SYNE3: variants seen among roughly 807,000 people sequenced by gnomAD.
The protein encoded by SYNE3 is nesprin-3.
A neutral mutation model predicts 111.2 loss-of-function variants in SYNE3; 100 were observed. That is an observed-to-expected ratio of 0.90 (90% CI 0.77 to 1.06). SYNE3 has a LOEUF of 1.06. Among genes scored for constraint, SYNE3 ranks in the 50% least tolerant of loss-of-function variants. The probability of loss-of-function intolerance (pLI) is 0.00; values close to 1 mark genes in which losing one functional copy is unlikely to be tolerated. For synonymous variants in SYNE3, 547 were observed against 533.9 expected, an observed-to-expected ratio of 1.02 and a Z score of -0.34; for missense variants, 1,160 against 1,240.3, an observed-to-expected ratio of 0.94 and a Z score of 0.97.
intron 5 of SYNE3, 141 bp from the exon 6 acceptor site, chr14:95,455,865 AGGGCT>A (rs1203825554): frequency 1.3e-6 from 1 of 781,592 alleles, no homozygotes; most frequent in Admixed American, 2.7e-5. Context: ...GGCCTTCCCA[AGGGCT>A]GGACTGTCTG....
At chr14:95,450,258 T>A in intron 7 of SYNE3, 153 bp from the exon 8 acceptor site, 2 of 852,428 alleles carry the variant, frequency 2.3e-6, no homozygotes, top group Non-Finnish European at 3.5e-6. Context: ...TCTGCAGCAG[T>A]AGACAGAAGA....
rs564423962 is a variant in SYNE3, at chr14:95,512,150, G to A, written c.-15+4446C>T. Among the ~76,000 whole-genome samples the A allele has an allele frequency of 5.3e-5, 8 of 152,142 alleles. No homozygotes were observed. In the South Asian group the frequency reaches 6.2e-4, roughly 12 times the overall value. ...GATCATGTCTCCTACATTAAAGATC[G>A]TGTCTCCTACATAAAGATTTATGAC... On this transcript the variant is annotated intron_variant, in intron 1 of 17. Transcript: ENST00000682763.
At chr14:95,446,728 G>A (rs922214099) in intron 8 of SYNE3, among the ~76,000 whole-genome samples, 13 of 152,132 alleles carry the variant, frequency 8.5e-5, no homozygotes, top group Non-Finnish European at 2.9e-5. Context: ...AGAACTAAGG[G>A]GGCTCAGAGG....
At chr14:95,467,366 A>G (rs1888252020) in intron 3 of SYNE3, among the ~76,000 whole-genome samples, 1 of 152,120 alleles carries the variant, frequency 6.6e-6, no homozygotes, top group Admixed American at 6.5e-5. Context: ...TTCCCAAACC[A>G]CATAGGAAGT....
intron 1 of SYNE3, among the ~76,000 whole-genome samples, chr14:95,480,807 G>A (rs1889196264): frequency 6.6e-6 from 1 of 152,186 alleles, no homozygotes; most frequent in South Asian, 2.1e-4. Context: ...TAACACTCAT[G>A]AAATAAGGAC....
chr14:95,461,550 C>T (rs958537652), intron 4 of SYNE3, among the ~76,000 whole-genome samples: 55 of 152,190 alleles, frequency 3.6e-4, no homozygotes, highest in African/African-American at 1.2e-3. Context: ...TCTGTGGTTC[C>T]GTCCCCATCA....
intron 8 of SYNE3, among the ~76,000 whole-genome samples, chr14:95,446,567 AC>A (rs769385229): frequency 1.3e-5 from 2 of 151,284 alleles, no homozygotes; most frequent in Non-Finnish European, 2.9e-5. Context: ...CAGTGGACAC[AC>A]CCCCCAGCGC....
intron 17 of SYNE3, among the ~76,000 whole-genome samples, chr14:95,424,600 G>A (rs966222063): frequency 2.6e-5 from 4 of 152,204 alleles, no homozygotes; most frequent in African/African-American, 9.7e-5. Flanking sequence ...GCCCATGTGC[G>A]ACATGCTGAC....
chr14:95,496,168 T>C lies in SYNE3; in HGVS notation c.-14-20333A>G, dbSNP rs1029872861. On this transcript the variant is annotated intron_variant, in intron 1 of 17. Coordinates refer to ENST00000682763, the MANE Select transcript of SYNE3 (RefSeq NM_152592.6). ...CCCAATTTCTCTCCTTTCCAAAGCT[T>C]GGGAGATGCTTAATTCACTTAATGA... Among the ~76,000 whole-genome samples the C allele has an allele frequency of 3.9e-5, 6 of 152,298 alleles. 1 individual carries two copies. The highest frequency in any genetic ancestry group is 3.9e-4 in the East Asian group (2 of 5,184).
intron 1 of SYNE3, among the ~76,000 whole-genome samples, chr14:95,483,601 C>A (rs549466869): frequency 2.1e-4 from 32 of 152,214 alleles, no homozygotes; most frequent in African/African-American, 7.7e-4. Context: ...GTGGCACTGG[C>A]AGAAGGTGAT....
At chr14:95,477,854 C>T (rs1888985741) in intron 1 of SYNE3, among the ~76,000 whole-genome samples, 2 of 152,194 alleles carry the variant, frequency 1.3e-5, no homozygotes, top group African/African-American at 4.8e-5. Context: ...TTTGTTGTGG[C>T]TCTAATTTCT....
chr14:95,422,284 G>T (rs1199095644), intron 17 of SYNE3, among the ~76,000 whole-genome samples: 1 of 151,948 alleles, frequency 6.6e-6, no homozygotes, highest in African/African-American at 2.4e-5. Flanking sequence ...CAGGACCAAA[G>T]GTCCTGAGCT....
At chr14:95,469,657 G>A (rs2139488196) in intron 2 of SYNE3, among the ~76,000 whole-genome samples, 1 of 152,122 alleles carries the variant, frequency 6.6e-6, no homozygotes, top group Non-Finnish European at 1.5e-5. Flanking sequence ...GCTGCAGTGA[G>A]CCGTGATCAA....
chr14:95,476,386 T>C (rs1035774053), intron 1 of SYNE3, among the ~76,000 whole-genome samples: 9 of 152,246 alleles, frequency 5.9e-5, no homozygotes, highest in African/African-American at 1.7e-4. Context: ...GGGCAGGTCC[T>C]GCTAAAGTTA....
rs201334821 is a variant in SYNE3 at position 95,445,885 on chromosome 14, G to C, written c.1632+24C>G. 2.2e-5 allele frequency: 35 copies of C among 1,609,246 alleles called. No individual in the cohort carries two copies. The African/African-American group carries it at 4.1e-4, about 19-fold the overall frequency. The stretch of plus-strand genomic sequence containing the variant: ...CAGCCCCGTGGCCAAGCCAAGTCCC[G>C]AGCAGATGCCTGGTGCTGCACACCT... On this transcript the variant is annotated intron_variant, in intron 9 of 17. Transcript: ENST00000682763.
intron 2 of SYNE3, among the ~76,000 whole-genome samples, chr14:95,473,102 T>C (rs1031290673): frequency 5.3e-5 from 8 of 152,160 alleles, no homozygotes; most frequent in East Asian, 1.9e-4. Context: ...TTCTTTCTTA[T>C]TGTGAAATTG....
intron 9 of SYNE3, 25 bp downstream of exon 9, chr14:95,445,884 C>T (rs769835640): frequency 4.3e-6 from 7 of 1,609,234 alleles, no homozygotes; most frequent in East Asian, 2.2e-5. Flanking sequence ...AGCCAAGTCC[C>T]GAGCAGATGC....
In SYNE3 at chr14:95,444,504, G is replaced by A. The variant is rs1886591981; in HGVS notation, c.1757C>T (p.Ala586Val). The A allele has an allele frequency of 3.7e-6, 6 of 1,612,162 alleles. No homozygotes were observed. The highest frequency in any genetic ancestry group is 1.1e-5 in the South Asian group (1 of 90,964). Reference protein sequence around the residue: ...GLQRDLPGKQAQLSRLQGLQE... With the variant: ...GLQRDLPGKQVQLSRLQGLQE... ...CCTCACCTGCAACCTTGAGAGCTGG[G>A]CCTGTTTTCCAGGAAGGTCCCGCTG... The change falls in exon 10 of 18, where the codon GCC becomes GTC. Residue 586 changes from alanine (A) to valine (V), a missense_variant. By Grantham distance (64) the Ala-to-Val change is moderately conservative (BLOSUM62 0). Transcript: ENST00000682763.
Position 95,482,955 on chromosome 14 carries a change from A to G in SYNE3, c.-14-7120T>C, listed in dbSNP as rs138898298. 5.7e-3 allele frequency among the ~76,000 whole-genome samples: 864 copies of G among 152,286 alleles called. 6 individuals are homozygous for G. Among genetic ancestry groups the G allele is most frequent in the Non-Finnish European group, 8.1e-3 (549 of 68,018 alleles). ...ATGACTTGAGTCTAAACTCTTTGCT[A>G]TTAAATCCCCTGGTGCCACACAGCT... On this transcript the variant is annotated intron_variant, in intron 1 of 17. Transcript: ENST00000682763.
Sources: allele counts gnomAD v4.1 joint callset (sites outside exome capture counted in the v4.1 genomes callset), GRCh38; gene constraint gnomAD v4.1.1; transcripts MANE v1.5; gene names NCBI Gene and HGNC (gene_info 2026-07-23, HGNC 2026-07-21).